The following GNAT2 variants were observed in gnomAD, a reference collection of about 807,000 sequenced individuals.
GNAT2 encodes the protein guanine nucleotide-binding protein G(t) subunit alpha-2.
GNAT2 carries 32 observed loss-of-function variants against 40.9 expected under a neutral mutation model. The ratio of observed to expected loss-of-function variants is 0.78; its 90% CI spans 0.59 to 1.05. GNAT2 has a LOEUF of 1.05. GNAT2 is among the 50% of genes least tolerant of loss of function. GNAT2 has a pLI of 0.00. For missense variants in GNAT2, 355 were observed against 431.5 expected (o/e 0.82, Z 1.57); for synonymous variants, 141 against 157.2 (o/e 0.90, Z 0.77).
At chr1:109,618,126 AATAAAT>A (rs1263451558) in intron 1 of GNAT2, 8 of 152,358 alleles carry the variant, frequency 5.3e-5, no homozygotes, top group African/African-American at 1.9e-4. Flanking sequence ...CTAAAATGCA[AATAAAT>A]ATAAAGAAAA....
intron 1 of GNAT2, chr1:109,614,563 G>T (rs1649896915): frequency 6.6e-6 from 1 of 152,186 alleles, no homozygotes; most frequent in Non-Finnish European, 1.5e-5. Flanking sequence ...GATTTAATTG[G>T]TCTGGAGTGC....
At chr1:109,608,091 C>A (rs1649665565) in intron 5 of GNAT2, 1 of 183,860 alleles carries the variant, frequency 5.4e-6, no homozygotes, top group Non-Finnish European at 1.2e-5. Flanking sequence ...TGACCACCTT[C>A]CCTTGGTTTG....
At chr1:109,608,000 T>A in intron 5 of GNAT2, 1 of 165,624 alleles carries the variant, frequency 6.0e-6, no homozygotes, top group South Asian at 1.5e-4. Context: ...TTGTCTATGA[T>A]CCCATACTGT....
At position 109,604,101 on chromosome 1, in the gene GNAT2, G is replaced by A. The variant is rs754414120; in HGVS notation, c.724C>T (p.Arg242Cys). 5.7e-5 allele frequency: 91 copies of A among 1,608,074 alleles called. No individual in the cohort carries two copies. Among genetic ancestry groups the A allele is most frequent in the Middle Eastern group, 1.7e-4 (1 of 6,060 alleles). ...MVLVEDDEVN[R>C]MHESLHLFNS... is the part of the protein sequence containing the mutation. ...AACAGATGCAAAGACTCATGCATAC[G>A]ATTCTAGTAAGAGGAAACACCATTG... The change falls in exon 8 of 9, where the codon CGT becomes TGT. Residue 242 changes from arginine (R) to cysteine (C), a missense_variant. Coordinates refer to ENST00000679935, the MANE Select transcript of GNAT2 (RefSeq NM_001377295.2).
intron 1 of GNAT2, 24 bp from the exon 2 acceptor site, chr1:109,612,947 G>GA (rs1649847342): frequency 2.9e-6 from 3 of 1,025,138 alleles, no homozygotes; most frequent in Non-Finnish European, 4.6e-6. Context: ...GGAAGAGAAG[G>GA]AAAAAAGTTG....
At position 109,604,118 on chromosome 1, in the gene GNAT2, A is replaced by G; in HGVS notation, c.721-14T>C. On this transcript the variant is annotated splice_polypyrimidine_tract_variant and intron_variant, in intron 7 of 8. Coordinates refer to ENST00000679935, the MANE Select transcript of GNAT2 (RefSeq NM_001377295.2). ...ATGCATACGATTCTAGTAAGAGGAA[A>G]CACCATTGGAAATATCAGATTTGGC... 6.2e-7 allele frequency: 1 copy of G among 1,600,434 alleles called. No homozygotes were observed. The highest frequency in any genetic ancestry group is 8.6e-7 in the Non-Finnish European group (1 of 1,168,244).
At position 109,612,751 on chromosome 1, in the gene GNAT2, A is replaced by T; in HGVS notation, c.118+2T>A. 1 of 1,551,356 alleles carries T rather than the reference A, an allele frequency of 6.4e-7. No individual in the cohort carries two copies. Among genetic ancestry groups the T allele is most frequent in the Non-Finnish European group, 8.9e-7 (1 of 1,122,782 alleles). ...TCTGGCTCATCTTCCCATCTCACTC[A>T]CCCAGCAGTAGCAGCTTGACAGTCT... On this transcript the variant is annotated splice_donor_variant, in intron 2 of 8. Transcript: ENST00000679935. LOFTEE classifies it high-confidence loss of function.
At position 109,605,989 on chromosome 1, in the gene GNAT2, A is replaced by C; in HGVS notation, c.701T>G (p.Leu234Arg). ...ACTCACCACTTCGTCATCTTCCACCAGCACCATATCATAGGCACTGAGGGC... is the reference window on the plus strand; with the variant it reads ...ACTCACCACTTCGTCATCTTCCACCCGCACCATATCATAGGCACTGAGGGC... ...CAALSAYDMVLVEDDEVNRMH... is the reference protein window; with the variant it reads ...CAALSAYDMVRVEDDEVNRMH... The change falls in exon 7 of 9, where the codon CTG becomes CGG. Residue 234 changes from leucine (L) to arginine (R), a missense_variant. Transcript: ENST00000679935. 6 of 1,613,884 alleles carry C rather than the reference A, an allele frequency of 3.7e-6. No homozygotes were observed. The highest frequency in any genetic ancestry group is 5.1e-6 in the Non-Finnish European group (6 of 1,179,808).
At chr1:109,610,339 G>T in intron 3 of GNAT2, 126 bp downstream of exon 3, 1 of 1,180,106 alleles carries the variant, frequency 8.5e-7, no homozygotes, top group Non-Finnish European at 1.3e-6. Flanking sequence ...CAGATGAGGG[G>T]CATTGGAATC....
At chr1:109,609,031 A>T in intron 4 of GNAT2, 1 of 547,146 alleles carries the variant, frequency 1.8e-6, no homozygotes, top group Non-Finnish European at 3.3e-6. Flanking sequence ...GGTCCCAGGT[A>T]TTTCCTCTCT....
chr1:109,603,534 G>T lies in GNAT2; in HGVS notation c.885C>A (p.Ser295=). Residue 295 remains serine, a synonymous_variant, in exon 9 of 9, where the codon TCC becomes TCA. Transcript: ENST00000679935. ...TTATGTAATTCCCCGCATCATCATA[G>T]GAGTTGTTACCTGGTTTTCCAGAAA... ...ICFPEYDGNN[S]YDDAGNYIKS... 1 of 1,607,388 alleles carries T rather than the reference G, an allele frequency of 6.2e-7. No homozygotes were observed. The highest frequency in any genetic ancestry group is 8.5e-7 in the Non-Finnish European group (1 of 1,173,948).
intron 1 of GNAT2, chr1:109,613,307 G>A (rs1228651329): frequency 3.7e-6 from 1 of 271,068 alleles, no homozygotes. Flanking sequence ...GCATCATAGA[G>A]CTAGAGATTA....
intron 7 of GNAT2, 73 bp from the exon 8 acceptor site, chr1:109,604,177 C>A: frequency 8.4e-7 from 1 of 1,195,102 alleles, no homozygotes. Flanking sequence ...TGCTCTTGTT[C>A]CCCTTGGAGA....
At chr1:109,609,491 T>A (rs1252477092) in intron 4 of GNAT2, 2 of 178,986 alleles carry the variant, frequency 1.1e-5, no homozygotes, top group East Asian at 2.9e-4. Context: ...AAAAAATAGC[T>A]GGGTGTGGTG....
chr1:109,614,300 C>T (rs1649889645), intron 1 of GNAT2: 1 of 152,202 alleles, frequency 6.6e-6, no homozygotes, highest in Non-Finnish European at 1.5e-5. Context: ...CTAAGAATCA[C>T]CTGGGTTGCT....
chr1:109,606,372 G>A lies in GNAT2; in HGVS notation c.526C>T (p.Arg176Ter), dbSNP rs779949808. The A allele has an allele frequency of 4.3e-6, 7 of 1,610,814 alleles. No homozygotes were observed. Among genetic ancestry groups the A allele is most frequent in the South Asian group, 3.3e-5 (3 of 91,020 alleles). The change falls in exon 6 of 9, where the codon CGA becomes TGA. Residue 176 changes from arginine (R) to a stop codon, truncating the protein, a stop_gained. Transcript: ENST00000679935. LOFTEE classifies it high-confidence loss of function. ...EYLPSEQDVL[R>*]SRVKTTGIIE... ...ATGCCCGTGGTTTTGACTCTGGATC[G>A]GAGCACATCTTGCTCACTAGGGAGG...
In GNAT2 at chr1:109,603,320, G is replaced by C. The variant is rs374343837; in HGVS notation, c.*34C>G. The C allele has an allele frequency of 2.4e-6, 3 of 1,235,200 alleles. No individual in the cohort carries two copies. The African/African-American group carries it at 4.4e-5, about 18-fold the overall frequency. 76.5% of individuals were successfully genotyped at this position (1,235,200 alleles called of 1,614,324 possible). A position where few individuals can be genotyped will look rare whatever the true frequency, so the allele number is the denominator to read the frequency against. On this transcript the variant is annotated 3_prime_UTR_variant, in exon 9 of 9. Transcript: ENST00000679935. ...TTTTAATTACCCAGATTCCAAGCCT[G>C]TTTATAGAACTTATACCTGAGGAAT...
chr1:109,608,401 G>A, intron 5 of GNAT2: 1 of 594,056 alleles, frequency 1.7e-6, no homozygotes, highest in South Asian at 1.9e-5. Flanking sequence ...GCTGTAGTGA[G>A]CCAGTGTAAA....
chr1:109,608,020 G>A (rs1301599532), intron 5 of GNAT2: 2 of 168,016 alleles, frequency 1.2e-5, no homozygotes, highest in Non-Finnish European at 2.6e-5. Context: ...TCTGAGGTAG[G>A]ATTGATAAAT....
Sources: gnomAD v4.1 joint callset for allele counts on GRCh38, gnomAD v4.1.1 for gene constraint, MANE v1.5 for transcripts, NCBI Gene and HGNC (gene_info 2026-07-23, HGNC 2026-07-21) for gene names.